LY96: variants seen among roughly 807,000 people sequenced by gnomAD.
LY96 encodes the protein lymphocyte antigen 96.
A neutral mutation model predicts 18.9 loss-of-function variants in LY96; 18 were observed. The ratio of observed to expected loss-of-function variants is 0.95; its 90% CI spans 0.66 to 1.41. The LOEUF is 1.41. Among genes scored for constraint, LY96 ranks in the 40% most tolerant of loss-of-function variants. LY96 has a pLI of 0.00. For synonymous variants in LY96, 66 were observed against 62.6 expected (o/e 1.06, Z -0.26); for missense variants, 175 against 182.4 (o/e 0.96, Z 0.23).
chr8:74,051,494 C>T, the LY96 span, among the ~76,000 whole-genome samples: 1 of 152,142 alleles, frequency 6.6e-6, no homozygotes, highest in African/African-American at 2.4e-5. Flanking sequence ...TCATGCTTCT[C>T]TCTCATGATG....
chr8:74,085,357 G>T, the LY96 span, among the ~76,000 whole-genome samples: 2 of 152,146 alleles, frequency 1.3e-5, no homozygotes, highest in Non-Finnish European at 2.9e-5. Flanking sequence ...TGCCTTCTTG[G>T]TATAGTTTCA....
At chr8:74,052,800 A>G in the LY96 span, among the ~76,000 whole-genome samples, 4 of 152,318 alleles carry the variant, frequency 2.6e-5, no homozygotes, top group East Asian at 1.9e-4. Context: ...AGGGGACCAG[A>G]TAGAGTAGGA....
rs1167682265 is a variant in LY96, at chr8:74,002,062, CCTTCCTTCCTTCCTTT to C, written c.113-2730_113-2715del. 3.1e-3 allele frequency among the ~76,000 whole-genome samples: 91 copies of C among 29,310 alleles called. 16 individuals are homozygous for C. The highest frequency in any genetic ancestry group is 4.8e-3 in the African/African-American group (25 of 5,248). 19.2% of individuals were successfully genotyped at this position (29,310 alleles called of 152,430 possible). On this transcript the variant is annotated intron_variant, in intron 1 of 4. Coordinates refer to ENST00000284818, the MANE Select transcript of LY96 (RefSeq NM_015364.5). Reference sequence around the variant, plus strand: ...TCCTTCCTTCCTTCCTTCCTTCCTTCCTTCCTTCCTTCCTTTCTTTCTTTCTTTCTTTCTCTCTCTC... The same window carrying C: ...TCCTTCCTTCCTTCCTTCCTTCCTTCCTTTCTTTCTTTCTTTCTCTCTCTC...
chr8:74,057,580 C>A, the LY96 span, among the ~76,000 whole-genome samples: 1 of 152,182 alleles, frequency 6.6e-6, no homozygotes, highest in African/African-American at 2.4e-5. Context: ...AGGTGACTCA[C>A]ATTTCTGAGG....
At chr8:74,082,469 A>C in the LY96 span, among the ~76,000 whole-genome samples, 1 of 152,192 alleles carries the variant, frequency 6.6e-6, no homozygotes, top group African/African-American at 2.4e-5. Context: ...ACAGAAACTT[A>C]AGAAAAATTT....
chr8:74,085,597 A>T, the LY96 span, among the ~76,000 whole-genome samples: 2 of 151,664 alleles, frequency 1.3e-5, no homozygotes, highest in Non-Finnish European at 2.9e-5. Flanking sequence ...TGCTTTTCCA[A>T]CTCTGCCTTC....
intron 3 of LY96, among the ~76,000 whole-genome samples, chr8:74,025,516 G>A (rs146552109): frequency 6.6e-6 from 1 of 151,914 alleles, no homozygotes; most frequent in Admixed American, 6.6e-5. Flanking sequence ...TTCGCCAGGC[G>A]TAGTGGTGGG....
the LY96 span, among the ~76,000 whole-genome samples, chr8:74,060,399 T>C: frequency 6.6e-6 from 1 of 152,240 alleles, no homozygotes; most frequent in Non-Finnish European, 1.5e-5. Context: ...TAAAATTCAC[T>C]ACCTATCGGA....
chr8:74,071,959 CA>C, the LY96 span, among the ~76,000 whole-genome samples: 1 of 152,062 alleles, frequency 6.6e-6, no homozygotes, highest in Non-Finnish European at 1.5e-5. Context: ...TTTGTTATTG[CA>C]AACATTGCTA....
the LY96 span, among the ~76,000 whole-genome samples, chr8:74,094,345 A>G: frequency 6.6e-6 from 1 of 152,164 alleles, no homozygotes; most frequent in Non-Finnish European, 1.5e-5. Context: ...TAATGAACTC[A>G]TGAGTAGATA....
At chr8:74,064,058 C>G in the LY96 span, among the ~76,000 whole-genome samples, 1 of 151,760 alleles carries the variant, frequency 6.6e-6, no homozygotes, top group Non-Finnish European at 1.5e-5. Flanking sequence ...CATAAGAAGC[C>G]ATTAAAATAA....
the LY96 span, among the ~76,000 whole-genome samples, chr8:74,068,077 A>ATATATATATATATATATATATAT: frequency 1.0e-5 from 1 of 98,458 alleles, no homozygotes; most frequent in African/African-American, 6.2e-5. Flanking sequence ...AAAAAAAAAA[A>ATATATATATATATATATATATAT]AAAAAAAAAA....
the LY96 span, chr8:74,056,264 T>C: frequency 1.1e-3 from 265 of 250,842 alleles, 1 homozygote; most frequent in Non-Finnish European, 1.7e-3. Context: ...AGGCTACCTG[T>C]GGTTATTTGC....
the LY96 span, among the ~76,000 whole-genome samples, chr8:74,068,089 A>AAAAAAAAATATATATATATATAT: frequency 1.5e-5 from 1 of 67,932 alleles, no homozygotes; most frequent in South Asian, 3.4e-4. Flanking sequence ...AAAAAAAAAA[A>AAAAAAAAATATATATATATATAT]ATATATATAT....
chr8:74,037,427 A>C, the LY96 span, among the ~76,000 whole-genome samples: 7 of 152,028 alleles, frequency 4.6e-5, no homozygotes, highest in Non-Finnish European at 8.8e-5. Flanking sequence ...CCAAGAATTC[A>C]AGACCAGCCT....
the LY96 span, among the ~76,000 whole-genome samples, chr8:74,084,583 C>T: frequency 1.8e-4 from 27 of 152,222 alleles, 1 homozygote; most frequent in East Asian, 7.7e-4. Context: ...ATCTGTAATC[C>T]GGAATCTTGG....
At chr8:74,099,233 C>T in the LY96 span, among the ~76,000 whole-genome samples, 1 of 152,180 alleles carries the variant, frequency 6.6e-6, no homozygotes, top group Admixed American at 6.5e-5. Context: ...ATGGCAACCC[C>T]AGAATAACCT....
chr8:73,993,958 C>T lies in LY96; in HGVS notation c.112+2404C>T, dbSNP rs182402339. 2.0e-4 allele frequency among the ~76,000 whole-genome samples: 30 copies of T among 152,022 alleles called. No homozygotes were observed. The East Asian group carries it at 3.5e-3, about 18-fold the overall frequency. Reference sequence around the variant, plus strand: ...ATGCACATTGCTGTGAAACCATCACCGTTGGTGTATCTTTTGATTTGACTT... The same window carrying T: ...ATGCACATTGCTGTGAAACCATCACTGTTGGTGTATCTTTTGATTTGACTT... On this transcript the variant is annotated intron_variant, in intron 1 of 4. Transcript: ENST00000284818.
chr8:74,014,250 GA>G (rs113588242), intron 3 of LY96, among the ~76,000 whole-genome samples: 170 of 138,692 alleles, frequency 1.2e-3, no homozygotes, highest in East Asian at 3.1e-3. Flanking sequence ...CACCATCTCT[GA>G]AAAAAAAAAA....
Sources: gnomAD v4.1 joint callset for allele counts (sites outside exome capture counted in the v4.1 genomes callset) on GRCh38, gnomAD v4.1.1 for gene constraint, MANE v1.5 for transcripts, NCBI Gene and HGNC (gene_info 2026-07-23, HGNC 2026-07-21) for gene names.